The following KDM4B variants were observed in gnomAD, a reference collection of about 807,000 sequenced individuals.
KDM4B encodes lysine demethylase 4B, also known as lysine-specific demethylase 4B.
KDM4B carries 32 observed loss-of-function variants against 125.2 expected under a neutral mutation model. The observed-to-expected ratio is 0.26, with a 90% confidence interval of 0.19 to 0.34. KDM4B has a LOEUF of 0.34. Ranked by LOEUF, KDM4B falls within the 10% of genes least tolerant of loss-of-function variation. The pLI is 1.00. For synonymous variants in KDM4B, 721 were observed against 677.9 expected, an observed-to-expected ratio of 1.06 and a Z score of -0.99; for missense variants, 1,190 against 1,577.7, an observed-to-expected ratio of 0.75 and a Z score of 4.16.
Position 5,080,530 on chromosome 19 carries a change from G to A in KDM4B, c.781-1837G>A, listed in dbSNP as rs142967475. Reference sequence around the variant, plus strand: ...TGGGAGACACCGCCAGCCCCAGGACGGCCACGTCAGAACACCGCCACCAGA... The same window carrying A: ...TGGGAGACACCGCCAGCCCCAGGACAGCCACGTCAGAACACCGCCACCAGA... On this transcript the variant is annotated intron_variant, in intron 8 of 22. Transcript: ENST00000159111. 8.0e-3 allele frequency among the ~76,000 whole-genome samples: 1,219 copies of A among 152,330 alleles called. 8 individuals carry two copies. The highest frequency in any genetic ancestry group is 0.017 in the Middle Eastern group (5 of 294).
At chr19:5,005,768 A>T (rs756454307) in intron 1 of KDM4B, among the ~76,000 whole-genome samples, 1 of 152,018 alleles carries the variant, frequency 6.6e-6, no homozygotes, top group Non-Finnish European at 1.5e-5. Context: ...GCCACGGGGG[A>T]GAAGGTCCCC....
chr19:5,134,161 G>C (rs2039608126), intron 14 of KDM4B, 100 bp downstream of exon 14: 2 of 1,189,932 alleles, frequency 1.7e-6, no homozygotes, highest in African/African-American at 3.0e-5. Context: ...TCTCACGCAG[G>C]GCAGGGTGTT....
At chr19:5,053,318 G>A (rs115112929) in intron 6 of KDM4B, among the ~76,000 whole-genome samples, 2,777 of 152,338 alleles carry the variant, frequency 0.018, 77 homozygotes, top group South Asian at 0.067. Context: ...ACTGATGGGG[G>A]CAGCCCGATG....
At chr19:4,995,441 G>T (rs1341450479) in intron 1 of KDM4B, among the ~76,000 whole-genome samples, 1 of 152,094 alleles carries the variant, frequency 6.6e-6, no homozygotes, top group African/African-American at 2.4e-5. Context: ...ACCACATCCA[G>T]CTAATTTTTG....
Position 5,013,233 on chromosome 19 carries a change from T to C in KDM4B, c.-108-3024T>C, listed in dbSNP as rs111485037. The stretch of plus-strand genomic sequence containing the variant: ...TGCTGAGAGTGGGGGTGGCCCGTCG[T>C]GCAGCGGGGGAGAGAGCTGTACAAA... On this transcript the variant is annotated intron_variant, in intron 1 of 22. Transcript: ENST00000159111. Among the ~76,000 whole-genome samples, 843 of 152,256 alleles carry C rather than the reference T, an allele frequency of 5.5e-3. 7 individuals carry two copies. Among genetic ancestry groups the C allele is most frequent in the Middle Eastern group, 0.017 (5 of 294 alleles).
At chr19:4,970,661 A>G (rs1367375767) in intron 1 of KDM4B, among the ~76,000 whole-genome samples, 2 of 146,202 alleles carry the variant, frequency 1.4e-5, no homozygotes, top group African/African-American at 4.9e-5. Context: ...TGACTCCCCT[A>G]ATTCTCCAAT....
chr19:5,120,060 A>T (rs2039331976), intron 11 of KDM4B, among the ~76,000 whole-genome samples: 1 of 152,246 alleles, frequency 6.6e-6, no homozygotes, highest in Non-Finnish European at 1.5e-5. Flanking sequence ...AGAATTGAGA[A>T]GAGCAGTTAC....
At position 5,141,826 on chromosome 19, in the gene KDM4B, C is replaced by T. The variant is rs994555854; in HGVS notation, c.2551-2141C>T. ...AGCAGGCAAAAGCACCGGGAGCTCC[C>T]TGGAGGATCTGGGAGGTCTGGGAGG... On this transcript the variant is annotated intron_variant, in intron 18 of 22. Transcript: ENST00000159111. The surrounding 1 kb of genome is among the most constrained non-coding windows in gnomAD (Gnocchi z 6.4). 1.3e-5 allele frequency among the ~76,000 whole-genome samples: 2 copies of T among 152,078 alleles called. No homozygotes were observed. Among genetic ancestry groups the T allele is most frequent in the Non-Finnish European group, 2.9e-5 (2 of 67,992 alleles).
chr19:5,152,429 C>T lies in KDM4B; in HGVS notation c.*918C>T, dbSNP rs974379631. 3 of 152,384 alleles carry T rather than the reference C, an allele frequency of 2.0e-5. No homozygotes were observed. The highest frequency in any genetic ancestry group is 2.1e-4 in the South Asian group (1 of 4,838). 9.4% of individuals were successfully genotyped at this position (152,384 alleles called of 1,614,324 possible). On this transcript the variant is annotated 3_prime_UTR_variant, in exon 23 of 23. Coordinates refer to ENST00000159111, the MANE Select transcript of KDM4B (RefSeq NM_015015.3). ...TCCTTGCAGACAAAGCACCCCTGCA[C>T]CTCCTATGGCTCAGGATGAGGGAGG...
intron 9 of KDM4B, among the ~76,000 whole-genome samples, chr19:5,088,252 C>T (rs1204712422): frequency 6.6e-6 from 1 of 152,214 alleles, no homozygotes; most frequent in Non-Finnish European, 1.5e-5. Context: ...TTAGCTTCCT[C>T]TGGAGCACGG....
chr19:5,145,960 G>A (rs1195012978), intron 21 of KDM4B, among the ~76,000 whole-genome samples: 1 of 152,218 alleles, frequency 6.6e-6, no homozygotes, highest in South Asian at 2.1e-4. Flanking sequence ...TTAAGGAAAG[G>A]TCCCGCCCGC....
At chr19:5,008,906 C>CTTTTTTTT (rs200928850) in intron 1 of KDM4B, among the ~76,000 whole-genome samples, 2 of 104,466 alleles carry the variant, frequency 1.9e-5, no homozygotes, top group African/African-American at 9.4e-5. Flanking sequence ...TGGCCCCTGC[C>CTTTTTTTT]TTTTTTTTTT....
At position 5,039,839 on chromosome 19, in the gene KDM4B, A is replaced by G. The variant is rs1489840152; in HGVS notation, c.145A>G (p.Ile49Val). The G allele has an allele frequency of 6.2e-7, 1 of 1,611,972 alleles. No homozygotes were observed. The highest frequency in any genetic ancestry group is 8.5e-7 in the Non-Finnish European group (1 of 1,179,294). Residue 49 changes from isoleucine to valine, a missense_variant, in exon 4 of 23, where the codon ATC becomes GTC. By Grantham distance (29) the Ile-to-Val change is conservative. Coordinates refer to ENST00000159111, the MANE Select transcript of KDM4B (RefSeq NM_015015.3). ...GACTCCCATCTTGGTCTTGCAGATC[A>G]TCCCCCCGAAGGAGTGGAAGCCGCG... ...GAHRAGLAKI[I>V]PPKEWKPRQT...
At chr19:5,067,514 AG>A (rs1430177947) in intron 6 of KDM4B, among the ~76,000 whole-genome samples, 3 of 152,064 alleles carry the variant, frequency 2.0e-5, no homozygotes, top group Non-Finnish European at 4.4e-5. Context: ...CCTGGCCTCC[AG>A]GGCTCTAGAG....
intron 8 of KDM4B, chr19:5,077,682 G>T: frequency 5.4e-6 from 3 of 552,234 alleles, no homozygotes; most frequent in South Asian, 2.2e-5. Flanking sequence ...ATCTGGCGGG[G>T]TGTTAACCTC....
chr19:5,053,785 C>T (rs1043997902), intron 6 of KDM4B, among the ~76,000 whole-genome samples: 1 of 152,262 alleles, frequency 6.6e-6, no homozygotes, highest in Non-Finnish European at 1.5e-5. Context: ...GCTGCTACGC[C>T]TGAGTAGTAG....
intron 2 of KDM4B, among the ~76,000 whole-genome samples, chr19:5,022,262 G>A (rs1225899552): frequency 6.6e-6 from 1 of 152,146 alleles, no homozygotes; most frequent in East Asian, 1.9e-4. Flanking sequence ...TCATCTCCTG[G>A]GGATCAGTGG....
At chr19:5,145,040 G>T (rs1359782412) in intron 21 of KDM4B, 138 bp downstream of exon 21, 5 of 1,090,240 alleles carry the variant, frequency 4.6e-6, no homozygotes, top group African/African-American at 1.6e-5. Context: ...AGTGAGGCCC[G>T]CAGGACCCAG....
chr19:5,064,250 G>A (rs2037696209), intron 6 of KDM4B, among the ~76,000 whole-genome samples: 1 of 152,228 alleles, frequency 6.6e-6, no homozygotes, highest in Admixed American at 6.5e-5. Context: ...CTGACACCTG[G>A]TCTCGGGTAC....
Sources: allele counts gnomAD v4.1 joint callset (sites outside exome capture counted in the v4.1 genomes callset), GRCh38; gene constraint gnomAD v4.1.1; non-coding constraint Gnocchi (gnomAD v3.1); transcripts MANE v1.5; gene names NCBI Gene and HGNC (gene_info 2026-07-23, HGNC 2026-07-21).